Variants in PRR16 observed in about 807,000 individuals in gnomAD.
PRR16 encodes protein Largen.
A neutral mutation model predicts 18.2 loss-of-function variants in PRR16; 6 were observed. The ratio of observed to expected loss-of-function variants is 0.33; its 90% CI spans 0.18 to 0.65. PRR16 has a LOEUF of 0.65. Among genes scored for constraint, PRR16 ranks in the 30% least tolerant of loss-of-function variants. The pLI, the probability that PRR16 is intolerant of heterozygous loss-of-function variation, is 0.74. For synonymous variants in PRR16, 151 were observed against 147.8 expected, an observed-to-expected ratio of 1.02 and a Z score of -0.16; for missense variants, 412 against 376.6, an observed-to-expected ratio of 1.09 and a Z score of -0.78.
chr5:120,629,278 T>C (rs1754977921), intron 1 of PRR16, among the ~76,000 whole-genome samples: 1 of 152,148 alleles, frequency 6.6e-6, no homozygotes, highest in South Asian at 2.1e-4. Flanking sequence ...TTTATGTATG[T>C]GTGCATGTGT....
chr5:120,551,329 C>G (rs1266923209), intron 1 of PRR16, among the ~76,000 whole-genome samples: 1 of 151,924 alleles, frequency 6.6e-6, no homozygotes, highest in African/African-American at 2.4e-5. Flanking sequence ...CATGTTTCTT[C>G]TTTTAAAAGA....
chr5:120,745,723 G>A, the PRR16 span, among the ~76,000 whole-genome samples: 18 of 151,488 alleles, frequency 1.2e-4, 2 homozygotes, highest in South Asian at 3.8e-3. Context: ...TTTTGAGATA[G>A]AGTCTCACTC....
chr5:120,534,119 C>A (rs1751639229), intron 1 of PRR16, among the ~76,000 whole-genome samples: 1 of 152,014 alleles, frequency 6.6e-6, no homozygotes, highest in South Asian at 2.1e-4. Flanking sequence ...CTTGAATAAG[C>A]AATTGTATAA....
At chr5:120,613,493 C>A (rs917811253) in intron 1 of PRR16, among the ~76,000 whole-genome samples, 1 of 151,846 alleles carries the variant, frequency 6.6e-6, no homozygotes, top group African/African-American at 2.4e-5. Flanking sequence ...CCCACAAAGA[C>A]ATTATCAAAT....
At chr5:120,622,102 T>C (rs533108336) in intron 1 of PRR16, among the ~76,000 whole-genome samples, 5 of 152,294 alleles carry the variant, frequency 3.3e-5, no homozygotes, top group African/African-American at 1.2e-4. Context: ...CTGTAGTTTT[T>C]TCCATGGCAC....
chr5:120,591,855 T>A (rs1235289296), intron 1 of PRR16, among the ~76,000 whole-genome samples: 1 of 152,124 alleles, frequency 6.6e-6, no homozygotes, highest in African/African-American at 2.4e-5. Context: ...GCTGAGGAGT[T>A]CTTCTCTTGA....
At chr5:120,729,575 C>T in the PRR16 span, among the ~76,000 whole-genome samples, 2 of 152,104 alleles carry the variant, frequency 1.3e-5, no homozygotes, top group Admixed American at 1.3e-4. Flanking sequence ...GTCTATTTCT[C>T]TTCCACTGGA....
At chr5:120,480,055 A>G (rs1440999199) in intron 1 of PRR16, among the ~76,000 whole-genome samples, 2 of 152,214 alleles carry the variant, frequency 1.3e-5, no homozygotes, top group Non-Finnish European at 2.9e-5. Context: ...TTTATATTCG[A>G]TACTGAAACC....
chr5:120,467,990 G>T (rs186583669), intron 1 of PRR16, among the ~76,000 whole-genome samples: 28 of 152,198 alleles, frequency 1.8e-4, no homozygotes, highest in African/African-American at 6.7e-4. Flanking sequence ...AGCTCCAAAG[G>T]TTAGTTAGGG....
the PRR16 span, among the ~76,000 whole-genome samples, chr5:120,769,766 T>G: frequency 6.6e-6 from 1 of 151,934 alleles, no homozygotes; most frequent in Non-Finnish European, 1.5e-5. Context: ...CTGTTTTTAA[T>G]TTTTTGAGGA....
the PRR16 span, among the ~76,000 whole-genome samples, chr5:120,744,856 G>A: frequency 6.6e-6 from 1 of 152,168 alleles, no homozygotes; most frequent in Admixed American, 6.5e-5. Context: ...GGGGGGTAAA[G>A]TGGGAATCAA....
the PRR16 span, among the ~76,000 whole-genome samples, chr5:120,720,073 A>T: frequency 1.3e-5 from 2 of 151,958 alleles, no homozygotes; most frequent in African/African-American, 4.8e-5. Flanking sequence ...TATAGTCTAT[A>T]TTATTTTATT....
intron 1 of PRR16, among the ~76,000 whole-genome samples, chr5:120,514,845 A>T (rs182378082): frequency 2.6e-5 from 4 of 152,212 alleles, no homozygotes; most frequent in Admixed American, 2.6e-4. Flanking sequence ...ATTACCACTG[A>T]TGCTCTGTTT....
At chr5:120,595,341 A>G (rs552235394) in intron 1 of PRR16, among the ~76,000 whole-genome samples, 2 of 152,200 alleles carry the variant, frequency 1.3e-5, no homozygotes, top group East Asian at 3.9e-4. Flanking sequence ...CATATGAAGG[A>G]AAGCTCAACA....
rs1031723861 is a variant in PRR16 at position 120,683,084 on chromosome 5, A to G, written c.160-2870A>G. Among the ~76,000 whole-genome samples, 12 of 152,206 alleles carry G rather than the reference A, an allele frequency of 7.9e-5. No individual in the cohort carries two copies. In the East Asian group the frequency reaches 2.1e-3, roughly 27 times the overall value. ...CAGACAAGCAATTTTGAGGGCCTAA[A>G]GAATACCAGAGAGATTGGGAACAGA... On this transcript the variant is annotated intron_variant, in intron 1 of 1. Transcript: ENST00000407149.
chr5:120,523,589 C>T (rs1477565124), intron 1 of PRR16, among the ~76,000 whole-genome samples: 1 of 151,946 alleles, frequency 6.6e-6, no homozygotes, highest in East Asian at 1.9e-4. Flanking sequence ...ATTTTAAATT[C>T]TGATTTAATT....
At chr5:120,718,036 C>A in the PRR16 span, among the ~76,000 whole-genome samples, 1 of 152,000 alleles carries the variant, frequency 6.6e-6, no homozygotes, top group South Asian at 2.1e-4. Context: ...TGGATTCAAC[C>A]CATCATCTTT....
chr5:120,717,480 A>G, the PRR16 span, among the ~76,000 whole-genome samples: 5 of 152,318 alleles, frequency 3.3e-5, no homozygotes, highest in East Asian at 5.8e-4. Context: ...CTCATGCAGA[A>G]GATATTTGCA....
chr5:120,768,121 C>T, the PRR16 span, among the ~76,000 whole-genome samples: 2 of 151,780 alleles, frequency 1.3e-5, no homozygotes, highest in Non-Finnish European at 2.9e-5. Flanking sequence ...AGCAATTTGC[C>T]TCATTTGGTC....
Sources: gnomAD v4.1 joint callset for allele counts (sites outside exome capture counted in the v4.1 genomes callset) on GRCh38, gnomAD v4.1.1 for gene constraint, MANE v1.5 for transcripts, NCBI Gene and HGNC (gene_info 2026-07-23, HGNC 2026-07-21) for gene names.